The following PDPN variants were observed in gnomAD, a reference collection of about 807,000 sequenced individuals.
PDPN encodes the protein PA2.26 antigen.
Under a neutral mutation model 23.2 loss-of-function variants are expected in PDPN, and 12 were observed. The observed-to-expected ratio is 0.52, with a 90% CI of 0.33 to 0.84. The LOEUF (loss-of-function observed/expected upper bound fraction) is 0.84, where lower values mean the gene tolerates loss of function less well. Ranked by LOEUF, PDPN falls within the 40% of genes least tolerant of loss-of-function variation. The pLI is 0.02. For synonymous variants in PDPN, 77 were observed against 76.7 expected (o/e 1.00, Z -0.02); for missense variants, 199 against 212.2 (o/e 0.94, Z 0.39).
chr1:13,588,121 G>GC (rs1036357419), intron 1 of PDPN, among the ~76,000 whole-genome samples: 10 of 135,046 alleles, frequency 7.4e-5, no homozygotes, highest in Admixed American at 2.2e-4. Context: ...TCATGAACCC[G>GC]CCCCCCCAAA....
intron 2 of PDPN, among the ~76,000 whole-genome samples, chr1:13,608,223 C>T (rs1290011831): frequency 6.6e-6 from 1 of 152,132 alleles, no homozygotes; most frequent in Non-Finnish European, 1.5e-5. Context: ...TTTAGCCTCT[C>T]GACCAACACA....
Position 13,616,271 on chromosome 1 carries a change from T to G in PDPN, c.*360T>G, listed in dbSNP as rs1168756975. 7.2e-6 allele frequency: 2 copies of G among 278,154 alleles called. No individual in the cohort carries two copies. The highest frequency in any genetic ancestry group is 1.4e-5 in the Non-Finnish European group (2 of 147,010). The allele number at this position is 278,154 out of a possible 1,614,324, so 17.2% of individuals were successfully genotyped here. On this transcript the variant is annotated 3_prime_UTR_variant, in exon 6 of 6. Coordinates refer to ENST00000621990, the MANE Select transcript of PDPN (RefSeq NM_006474.5). ...CCATGTGTCTCCGTCTGACCATTCT[T>G]GTTATTGTTAAAATGCAGAGGAATC... is the stretch of plus-strand genomic sequence containing the variant.
chr1:13,597,411 C>T (rs1640525063), intron 1 of PDPN, among the ~76,000 whole-genome samples: 1 of 152,318 alleles, frequency 6.6e-6, no homozygotes, highest in South Asian at 2.1e-4. Flanking sequence ...GAGGGTAACT[C>T]AGCTTGTATC....
chr1:13,615,903 A>C lies in PDPN; in HGVS notation c.483-2A>C. Reference sequence around the variant, plus strand: ...GACCGTCACCCTTCTCTATTTTCACAGGCCCTAAAGAGCTGAAGGGTTACG... The same window carrying C: ...GACCGTCACCCTTCTCTATTTTCACCGGCCCTAAAGAGCTGAAGGGTTACG... On this transcript the variant is annotated splice_acceptor_variant, in intron 5 of 5. Transcript: ENST00000621990. LOFTEE classifies it high-confidence loss of function. 6.2e-7 allele frequency: 1 copy of C among 1,612,990 alleles called. No individual in the cohort carries two copies. Among genetic ancestry groups the C allele is most frequent in the South Asian group, 1.1e-5 (1 of 91,046 alleles).
chr1:13,614,143 A>G (rs1030548415), intron 4 of PDPN, among the ~76,000 whole-genome samples, 157 bp from the exon 5 acceptor site: 2 of 152,210 alleles, frequency 1.3e-5, no homozygotes, highest in African/African-American at 2.4e-5. Flanking sequence ...GACTAGCCCA[A>G]ATTTTCTCCT....
At chr1:13,605,929 T>G (rs1370405357) in intron 1 of PDPN, among the ~76,000 whole-genome samples, 2 of 151,994 alleles carry the variant, frequency 1.3e-5, no homozygotes. Flanking sequence ...CCCAGAAACC[T>G]TTCTCATTGG....
intron 1 of PDPN, among the ~76,000 whole-genome samples, chr1:13,586,512 G>A (rs982538760): frequency 3.9e-5 from 6 of 152,058 alleles, no homozygotes; most frequent in African/African-American, 1.4e-4. Context: ...TGAGCAGCAC[G>A]CGAGTGACTC....
At chr1:13,614,621 A>C (rs2100290331) in intron 5 of PDPN, 1 of 479,446 alleles carries the variant, frequency 2.1e-6, no homozygotes, top group East Asian at 4.1e-5. Context: ...GTCATGTTCC[A>C]AAGTTCCTTA....
intron 1 of PDPN, among the ~76,000 whole-genome samples, chr1:13,597,126 C>G (rs1640517869): frequency 6.6e-6 from 1 of 152,172 alleles, no homozygotes; most frequent in East Asian, 1.9e-4. Context: ...ATAACTTTAT[C>G]TCAAATGTAA....
intron 1 of PDPN, among the ~76,000 whole-genome samples, chr1:13,589,475 A>T (rs1290489135): frequency 6.6e-6 from 1 of 152,216 alleles, no homozygotes; most frequent in Non-Finnish European, 1.5e-5. Flanking sequence ...TAACAATATA[A>T]TAACAGCTAG....
intron 1 of PDPN, chr1:13,596,027 GTC>G: frequency 2.5e-6 from 1 of 393,164 alleles, no homozygotes; most frequent in South Asian, 2.1e-5. Flanking sequence ...ATGAAATCCC[GTC>G]TCTACTAAAA....
chr1:13,584,008 A>G lies in PDPN; in HGVS notation c.-26A>G. ...CTCAGAATCTTGCTGCTCGGCCCCCAGGAGAGCAACAACTCAACGGGAACG... is the reference window on the plus strand; with the variant it reads ...CTCAGAATCTTGCTGCTCGGCCCCCGGGAGAGCAACAACTCAACGGGAACG... On this transcript the variant is annotated 5_prime_UTR_variant, in exon 1 of 6. Coordinates refer to ENST00000621990, the MANE Select transcript of PDPN (RefSeq NM_006474.5). 3 of 1,613,374 alleles carry G rather than the reference A, an allele frequency of 1.9e-6. No homozygotes were observed. Among genetic ancestry groups the G allele is most frequent in the Non-Finnish European group, 2.5e-6 (3 of 1,179,900 alleles).
rs193048059 is a variant in PDPN, at chr1:13,586,092, C to A, written c.67+1992C>A. On this transcript the variant is annotated intron_variant, in intron 1 of 5. Transcript: ENST00000621990. ...AGGCGCCACCCTCATGCTGAACTTTCATCAGGAAGGCACGTTTTGGGGGCC... is the reference window on the plus strand; with the variant it reads ...AGGCGCCACCCTCATGCTGAACTTTAATCAGGAAGGCACGTTTTGGGGGCC... 7.9e-5 allele frequency among the ~76,000 whole-genome samples: 12 copies of A among 152,256 alleles called. 1 individual carries two copies. The East Asian group carries it at 2.1e-3, about 27-fold the overall frequency.
intron 1 of PDPN, chr1:13,595,872 C>G: frequency 7.8e-7 from 1 of 1,288,314 alleles, no homozygotes; most frequent in Non-Finnish European, 1.0e-6. Context: ...TGGACAGCGG[C>G]AGGGACATCA....
intron 1 of PDPN, among the ~76,000 whole-genome samples, chr1:13,594,683 C>T (rs530985543): frequency 1.3e-5 from 2 of 152,234 alleles, no homozygotes; most frequent in South Asian, 2.1e-4. Flanking sequence ...GTTTGCAAGA[C>T]TTCTGTAAAG....
chr1:13,591,350 G>A (rs1274685110), intron 1 of PDPN, among the ~76,000 whole-genome samples: 3 of 152,116 alleles, frequency 2.0e-5, no homozygotes, highest in Admixed American at 6.6e-5. Context: ...CGTTTAAATT[G>A]ATATGTAATT....
intron 1 of PDPN, among the ~76,000 whole-genome samples, chr1:13,600,216 G>A (rs1282831794): frequency 6.6e-6 from 1 of 152,166 alleles, no homozygotes; most frequent in African/African-American, 2.4e-5. Context: ...CCCAGGGAGG[G>A]AGGCAGCAGG....
chr1:13,584,432 A>G (rs35716585), intron 1 of PDPN: 172,697 of 884,514 alleles, frequency 0.2, 18,443 homozygotes, highest in African/African-American at 0.34. Context: ...TGCTGGCAGC[A>G]GTGGCTGGGG....
intron 1 of PDPN, 88 bp downstream of exon 1, chr1:13,584,188 G>C: frequency 6.5e-7 from 1 of 1,541,308 alleles, no homozygotes; most frequent in Non-Finnish European, 8.8e-7. Context: ...TGGTATTCGA[G>C]GTTGTCCAGG....
Sources: gnomAD v4.1 joint callset for allele counts (sites outside exome capture counted in the v4.1 genomes callset) on GRCh38, gnomAD v4.1.1 for gene constraint, MANE v1.5 for transcripts, NCBI Gene and HGNC (gene_info 2026-07-23, HGNC 2026-07-21) for gene names.